The following RGSL1 variants were observed in gnomAD, a reference collection of about 807,000 sequenced individuals.
RGSL1 encodes the protein regulator of G protein signaling protein-like.
In RGSL1, 97 loss-of-function variants were observed where a neutral mutation model predicts 124.7. The ratio of observed to expected loss-of-function variants is 0.78; its 90% CI spans 0.66 to 0.92. The LOEUF (loss-of-function observed/expected upper bound fraction) is 0.92. Ranked by LOEUF, RGSL1 falls within the 40% of genes least tolerant of loss-of-function variation. The probability of loss-of-function intolerance (pLI) is 0.00; values close to 1 mark genes in which losing one functional copy is unlikely to be tolerated. For synonymous variants in RGSL1, 424 were observed against 438.1 expected, an observed-to-expected ratio of 0.97 and a Z score of 0.40; for missense variants, 1,233 against 1,288.4, an observed-to-expected ratio of 0.96 and a Z score of 0.66.
intron 11 of RGSL1, among the ~76,000 whole-genome samples, chr1:182,528,898 G>A (rs931820700): frequency 5.9e-5 from 9 of 152,216 alleles, no homozygotes; most frequent in Non-Finnish European, 1.0e-4. Context: ...CAGTCATGGT[G>A]GAAGGCACCT....
chr1:182,540,421 A>C lies in RGSL1; in HGVS notation c.2669A>C (p.Lys890Thr). 6.5e-7 allele frequency: 1 copy of C among 1,549,644 alleles called. No individual in the cohort carries two copies. The highest frequency in any genetic ancestry group is 8.7e-7 in the Non-Finnish European group (1 of 1,145,920). Residue 890 changes from lysine to threonine, a missense_variant and splice_region_variant, in exon 15 of 22, where the codon AAA becomes ACA. Lys to Thr is a moderately conservative substitution (Grantham distance 78, BLOSUM62 -1). Transcript: ENST00000294854. ...NDLYFFSEMEKFNDLVSSAHM... is the reference protein window; with the variant it reads ...NDLYFFSEMETFNDLVSSAHM... ...CTATATTTCTTTTCTGAAATGGAGA[A>C]GTAAGTTTTCCACTTCTCCTTCTTC...
rs68163917 is a variant in RGSL1 at position 182,454,586 on chromosome 1, A to ATGTGTGTG, written c.96+579_96+586dup. ...GCACTTTGCAACTCTCTTGAGTTGT[A>ATGTGTGTG]TGTGTGTGTGTGTGTGTGTGTGTGT... On this transcript the variant is annotated intron_variant, in intron 2 of 21. Coordinates refer to ENST00000294854, the MANE Select transcript of RGSL1 (RefSeq NM_001137669.2). Among the ~76,000 whole-genome samples the ATGTGTGTG allele has an allele frequency of 2.2e-3, 319 of 144,604 alleles. 4 individuals carry two copies. The highest frequency in any genetic ancestry group is 6.5e-3 in the African/African-American group (255 of 39,102). 94.9% of individuals were successfully genotyped at this position (144,604 alleles called of 152,430 possible). A position where few individuals can be genotyped will look rare whatever the true frequency, so the allele number is the denominator to read the frequency against.
rs751597128 is a variant in RGSL1 at position 182,472,571 on chromosome 1, A to G, written c.463+14A>G. 1.3e-6 allele frequency: 2 copies of G among 1,507,212 alleles called. No homozygotes were observed. Among genetic ancestry groups the G allele is most frequent in the Non-Finnish European group, 1.8e-6 (2 of 1,116,778 alleles). The allele number at this position is 1,507,212 out of a possible 1,614,324, so 93.4% of individuals were successfully genotyped here. On this transcript the variant is annotated intron_variant, in intron 5 of 21. Coordinates refer to ENST00000294854, the MANE Select transcript of RGSL1 (RefSeq NM_001137669.2). ...ACATGAACATCAGTAAGAATTATAA[A>G]GCATCTTTTTGGGGGGATGCAACAA... is the stretch of plus-strand genomic sequence containing the variant.
At position 182,513,886 on chromosome 1, in the gene RGSL1, T is replaced by C. The variant is rs546007675; in HGVS notation, c.1826-8118T>C. Among the ~76,000 whole-genome samples, 5 of 144,078 alleles carry C rather than the reference T, an allele frequency of 3.5e-5. No individual in the cohort carries two copies. The East Asian group carries it at 1.0e-3, about 29-fold the overall frequency. The allele number at this position is 144,078 out of a possible 152,430, so 94.5% of individuals were successfully genotyped here. ...CCAAGAAGGCAATCAGATTTTCTTTTCTCTCCCTATCTTTTTTTTTTTTTT... is the reference window on the plus strand; with the variant it reads ...CCAAGAAGGCAATCAGATTTTCTTTCCTCTCCCTATCTTTTTTTTTTTTTT... On this transcript the variant is annotated intron_variant, in intron 9 of 21. Coordinates refer to ENST00000294854, the MANE Select transcript of RGSL1 (RefSeq NM_001137669.2).
rs983551665 is a variant in RGSL1 at position 182,556,140 on chromosome 1, G to C, written c.*83G>C. ...GAAACTTTTCTGGTCAAAAATGAAA[G>C]GTCCTGGTACCATCTTCCCCAGAAA... On this transcript the variant is annotated 3_prime_UTR_variant, in exon 21 of 22. Coordinates refer to ENST00000294854, the MANE Select transcript of RGSL1 (RefSeq NM_001137669.2). The C allele has an allele frequency of 8.1e-6, 11 of 1,350,762 alleles. No homozygotes were observed. The Admixed American group carries it at 2.2e-4, about 27-fold the overall frequency. 83.7% of individuals were successfully genotyped at this position (1,350,762 alleles called of 1,614,324 possible).
Position 182,540,422 on chromosome 1 carries a change from G to GT in RGSL1, c.2669+2dup. 1 of 1,549,432 alleles carries GT rather than the reference G, an allele frequency of 6.5e-7. No homozygotes were observed. Among genetic ancestry groups the GT allele is most frequent in the Non-Finnish European group, 8.7e-7 (1 of 1,145,822 alleles). Reference sequence around the variant, plus strand: ...TATATTTCTTTTCTGAAATGGAGAAGTAAGTTTTCCACTTCTCCTTCTTCT... The same window carrying GT: ...TATATTTCTTTTCTGAAATGGAGAAGTTAAGTTTTCCACTTCTCCTTCTTCT... On this transcript the variant is annotated splice_donor_variant, in intron 15 of 21. Transcript: ENST00000294854. LOFTEE classifies it high-confidence loss of function.
At chr1:182,471,102 C>T (rs1185293588) in intron 4 of RGSL1, among the ~76,000 whole-genome samples, 1 of 152,156 alleles carries the variant, frequency 6.6e-6, no homozygotes, top group African/African-American at 2.4e-5. Context: ...AACCTTAACA[C>T]ATGTCACCAG....
chr1:182,526,428 G>A (rs946803777), intron 10 of RGSL1, among the ~76,000 whole-genome samples: 2 of 152,118 alleles, frequency 1.3e-5, no homozygotes, highest in African/African-American at 4.8e-5. Flanking sequence ...GGCACTATGG[G>A]AAGCTGAGGT....
At chr1:182,461,307 C>G (rs1652811892) in intron 4 of RGSL1, among the ~76,000 whole-genome samples, 1 of 148,598 alleles carries the variant, frequency 6.7e-6, no homozygotes, top group Admixed American at 6.7e-5. Flanking sequence ...ACAGAGATAT[C>G]CTACAGTAAT....
At chr1:182,544,598 A>AT (rs34143878) in intron 15 of RGSL1, among the ~76,000 whole-genome samples, 79,387 of 151,610 alleles carry the variant, frequency 0.52, 20,991 homozygotes, top group Non-Finnish European at 0.56. Context: ...GGGTATTGAA[A>AT]TTCCTGCTAT....
chr1:182,470,113 C>G (rs1653706237), intron 4 of RGSL1, among the ~76,000 whole-genome samples: 1 of 152,130 alleles, frequency 6.6e-6, no homozygotes, highest in Non-Finnish European at 1.5e-5. Context: ...ATTATTAATA[C>G]ATTTAACACC....
chr1:182,519,920 ATAT>A (rs1658203727), intron 9 of RGSL1, among the ~76,000 whole-genome samples: 1 of 152,072 alleles, frequency 6.6e-6, no homozygotes, highest in Non-Finnish European at 1.5e-5. Flanking sequence ...TTTTCTTATA[ATAT>A]TGTCTATTTT....
At chr1:182,548,561 A>C in intron 16 of RGSL1, 106 bp downstream of exon 16, 4 of 1,512,620 alleles carry the variant, frequency 2.6e-6, no homozygotes, top group Non-Finnish European at 3.6e-6. Flanking sequence ...CTGGCTAACT[A>C]CATATCCTTT....
chr1:182,541,905 C>T (rs1275738181), intron 15 of RGSL1, among the ~76,000 whole-genome samples: 1 of 152,076 alleles, frequency 6.6e-6, no homozygotes, highest in African/African-American at 2.4e-5. Context: ...AGATCTTTTG[C>T]ACTTTAAAAA....
At chr1:182,539,274 C>CT (rs3028795) in intron 14 of RGSL1, among the ~76,000 whole-genome samples, 8 of 152,038 alleles carry the variant, frequency 5.3e-5, no homozygotes, top group Non-Finnish European at 7.4e-5. Context: ...GTTATCTAGA[C>CT]TTTTTTTCCC....
At chr1:182,512,021 A>C (rs981804278) in intron 9 of RGSL1, among the ~76,000 whole-genome samples, 6 of 151,808 alleles carry the variant, frequency 4.0e-5, no homozygotes, top group Admixed American at 3.9e-4. Flanking sequence ...ATTCCTTTTT[A>C]TTTTCCAGAT....
intron 18 of RGSL1, 91 bp downstream of exon 18, chr1:182,551,300 C>A: frequency 9.8e-7 from 1 of 1,023,356 alleles, no homozygotes; most frequent in Non-Finnish European, 1.5e-6. Flanking sequence ...TTCAAGACTT[C>A]CTTGAGGGTG....
upstream of RGSL1, among the ~76,000 whole-genome samples, chr1:182,448,697 G>A (rs1296618607): frequency 6.6e-6 from 1 of 152,140 alleles, no homozygotes; most frequent in Non-Finnish European, 1.5e-5. Context: ...ACACATTTGG[G>A]AGACATCTGG....
rs1660383497 is a variant in RGSL1, at chr1:182,548,775, C to T, written c.2884C>T (p.His962Tyr). The part of the protein sequence containing the change: ...TEGYLDRSVF[H>Y]GAIMSVFPVV... ...GGGCTACCTAGATCGGAGCGTCTTCCATGGGGCTATCATGTCTGTCTTCCC... is the reference window on the plus strand; with the variant it reads ...GGGCTACCTAGATCGGAGCGTCTTCTATGGGGCTATCATGTCTGTCTTCCC... The change falls in exon 17 of 22, where the codon CAT (histidine) becomes TAT (tyrosine). Residue 962 changes from histidine (H) to tyrosine (Y), a missense_variant. His to Tyr is a moderately conservative substitution (Grantham distance 83). Transcript: ENST00000294854. The T allele has an allele frequency of 5.2e-6, 8 of 1,551,550 alleles. No individual in the cohort carries two copies. The highest frequency in any genetic ancestry group is 6.1e-6 in the Non-Finnish European group (7 of 1,146,980).
Sources: allele counts gnomAD v4.1 joint callset (sites outside exome capture counted in the v4.1 genomes callset), GRCh38; gene constraint gnomAD v4.1.1; transcripts MANE v1.5; gene names NCBI Gene and HGNC (gene_info 2026-07-23, HGNC 2026-07-21).